Variants in PCDH15 observed in about 807,000 individuals in gnomAD.
PCDH15 encodes the protein protocadherin-15.
A neutral mutation model predicts 178.5 loss-of-function variants in PCDH15; 129 were observed. The observed-to-expected ratio is 0.72, with a 90% CI of 0.63 to 0.84. The LOEUF (loss-of-function observed/expected upper bound fraction) is 0.84, where lower values mean the gene tolerates loss of function less well. Among genes scored for constraint, PCDH15 ranks in the 40% least tolerant of loss-of-function variants. PCDH15 has a pLI of 0.00. For synonymous variants in PCDH15, 800 were observed against 732.0 expected (o/e 1.09, Z -1.50); for missense variants, 2,230 against 2,099.9 (o/e 1.06, Z -1.21).
intron 1 of PCDH15, among the ~76,000 whole-genome samples, chr10:54,763,524 G>T (rs906748200): frequency 6.6e-6 from 1 of 151,974 alleles, no homozygotes; most frequent in African/African-American, 2.4e-5. Context: ...TTAGGTAGAA[G>T]AAATAAGTTC....
At chr10:55,445,167 A>G (rs936838553) in intron 2 of PCDH15, among the ~76,000 whole-genome samples, 1 of 152,192 alleles carries the variant, frequency 6.6e-6, no homozygotes, top group African/African-American at 2.4e-5. Context: ...GTCAGTGTCA[A>G]TGTCCTGCTT....
chr10:54,020,936 T>C (rs1377443085), intron 19 of PCDH15, among the ~76,000 whole-genome samples: 1 of 152,002 alleles, frequency 6.6e-6, no homozygotes, highest in African/African-American at 2.4e-5. Context: ...GTCACAGGGA[T>C]CCTATAATAC....
At chr10:55,306,661 C>A (rs754633724) in intron 1 of PCDH15, among the ~76,000 whole-genome samples, 4 of 152,158 alleles carry the variant, frequency 2.6e-5, no homozygotes, top group Non-Finnish European at 5.9e-5. Flanking sequence ...TTAATAGAAA[C>A]TCGAGATTCT....
At chr10:53,908,811 C>A (rs2082861033) in intron 25 of PCDH15, among the ~76,000 whole-genome samples, 1 of 152,146 alleles carries the variant, frequency 6.6e-6, no homozygotes, top group Admixed American at 6.5e-5. Context: ...TTTATAGATT[C>A]TTCAAACAGT....
intron 1 of PCDH15, among the ~76,000 whole-genome samples, chr10:54,726,734 C>T (rs67075323): frequency 0.12 from 18,376 of 150,882 alleles, 1,253 homozygotes; most frequent in African/African-American, 0.17. Context: ...AGCTAAAAAG[C>T]TGACTACAAA....
At chr10:54,076,910 G>A (rs2094351625) in intron 17 of PCDH15, among the ~76,000 whole-genome samples, 1 of 151,942 alleles carries the variant, frequency 6.6e-6, no homozygotes, top group Admixed American at 6.6e-5. Context: ...ATCTGTCTGT[G>A]TTTATTAAAT....
chr10:54,154,914 G>C (rs2044942993), intron 13 of PCDH15, among the ~76,000 whole-genome samples: 1 of 152,100 alleles, frequency 6.6e-6, no homozygotes, highest in South Asian at 2.1e-4. Flanking sequence ...AAAATGAATG[G>C]CATATATTTA....
rs1162776042 is a variant in PCDH15, at chr10:55,352,339, G to A, written c.-155-185688C>T. On this transcript the variant is annotated intron_variant, in intron 2 of 5. Transcript: ENST00000613346. ...TCTTATTCGAGTTCAAAAACGGGTT[G>A]TAAAGCAGCAGAGACAACTTCAAAC... is the stretch of plus-strand genomic sequence containing the variant. 5.3e-5 allele frequency among the ~76,000 whole-genome samples: 8 copies of A among 152,264 alleles called. No homozygotes were observed. In the East Asian group the frequency reaches 1.5e-3, roughly 29 times the overall value.
chr10:55,068,635 G>C (rs1003904700), intron 2 of PCDH15, among the ~76,000 whole-genome samples: 8 of 151,938 alleles, frequency 5.3e-5, no homozygotes, highest in African/African-American at 1.9e-4. Context: ...AAAAATGATA[G>C]TGCTATTTTC....
At chr10:53,894,863 G>A (rs770859511) in intron 26 of PCDH15, among the ~76,000 whole-genome samples, 8 of 152,152 alleles carry the variant, frequency 5.3e-5, no homozygotes, top group Non-Finnish European at 1.0e-4. Context: ...AGAGAGATAA[G>A]AGCATGCCCA....
intron 3 of PCDH15, among the ~76,000 whole-genome samples, chr10:54,880,113 A>G (rs1421250877): frequency 2.6e-5 from 4 of 152,164 alleles, no homozygotes; most frequent in Non-Finnish European, 5.9e-5. Context: ...AATACCTTGC[A>G]TACTACACCC....
chr10:54,291,107 A>G (rs2059377594), intron 8 of PCDH15, among the ~76,000 whole-genome samples: 1 of 152,226 alleles, frequency 6.6e-6, no homozygotes, highest in South Asian at 2.1e-4. Flanking sequence ...AAGAACAGAA[A>G]TCACAACAAA....
rs138540082 is a variant in PCDH15 at position 55,467,452 on chromosome 10, A to T, written c.-156+160173T>A. On this transcript the variant is annotated intron_variant, in intron 2 of 5. Transcript: ENST00000613346. Reference sequence around the variant, plus strand: ...TTTTAATGATTAATTTGAGACCAAAATATCTACAAAATGAATATTTTATAA... The same window carrying T: ...TTTTAATGATTAATTTGAGACCAAATTATCTACAAAATGAATATTTTATAA... 4.5e-3 allele frequency among the ~76,000 whole-genome samples: 682 copies of T among 151,794 alleles called. 8 individuals carry two copies. Among genetic ancestry groups the T allele is most frequent in the African/African-American group, 0.015 (639 of 41,348 alleles).
rs2082445043 is a variant in PCDH15 at position 53,903,273 on chromosome 10, T to C, written c.3471A>G (p.Ala1157=). 6.2e-7 allele frequency: 1 copy of C among 1,613,204 alleles called. No individual in the cohort carries two copies. Among genetic ancestry groups the C allele is most frequent in the Admixed American group, 1.7e-5 (1 of 60,010 alleles). The change falls in exon 26 of 38, where the codon GCA becomes GCG. Residue 1157 remains alanine, a synonymous_variant. Coordinates refer to ENST00000644397, the MANE Select transcript of PCDH15 (RefSeq NM_001384140.1). ...CTCTGAGTACAGAAGTAAACATTCT[T>C]GCATCTTCAGATACACCTCCGATGT... is the stretch of plus-strand genomic sequence containing the variant. ...KFYIGGVSED[A]RMFTSVLRVK...
intron 1 of PCDH15, among the ~76,000 whole-genome samples, chr10:54,699,876 G>A (rs2135932761): frequency 6.6e-6 from 1 of 151,984 alleles, no homozygotes; most frequent in East Asian, 1.9e-4. Flanking sequence ...CATTGCATAG[G>A]GGAAAACAAA....
chr10:54,965,818 T>C (rs1183392877), intron 2 of PCDH15, among the ~76,000 whole-genome samples: 2 of 151,158 alleles, frequency 1.3e-5, no homozygotes, highest in Non-Finnish European at 2.9e-5. Context: ...AGCTTAACTC[T>C]TCATGTAGTT....
chr10:53,983,702 T>G (rs1404950200), intron 21 of PCDH15, among the ~76,000 whole-genome samples: 2 of 152,224 alleles, frequency 1.3e-5, no homozygotes, highest in Non-Finnish European at 2.9e-5. Context: ...AAAATTTATT[T>G]ATTTAAACAC....
intron 1 of PCDH15, among the ~76,000 whole-genome samples, chr10:55,271,002 T>C (rs1842430628): frequency 6.6e-6 from 1 of 152,120 alleles, no homozygotes; most frequent in African/African-American, 2.4e-5. Flanking sequence ...TGGATGGCTC[T>C]GGAGGCCATA....
At chr10:54,833,163 T>TA in intron 3 of PCDH15, among the ~76,000 whole-genome samples, 1 of 152,312 alleles carries the variant, frequency 6.6e-6, no homozygotes, top group African/African-American at 2.4e-5. Context: ...GGTCATGTGT[T>TA]ACTGATGAGA....
Sources: allele counts gnomAD v4.1 joint callset (sites outside exome capture counted in the v4.1 genomes callset), GRCh38; gene constraint gnomAD v4.1.1; transcripts MANE v1.5; gene names NCBI Gene and HGNC (gene_info 2026-07-23, HGNC 2026-07-21).